Variants in TNFSF8 observed in about 807,000 individuals in gnomAD.
TNFSF8 encodes TNF superfamily member 8, also known as tumor necrosis factor ligand superfamily member 8.
TNFSF8 carries 4 observed loss-of-function variants against 22.0 expected under a neutral mutation model. The observed-to-expected ratio is 0.18, with a 90% confidence interval of 0.09 to 0.42. The LOEUF is 0.42. Ranked by LOEUF, TNFSF8 falls within the 10% of genes least tolerant of loss-of-function variation. The probability of loss-of-function intolerance (pLI) is 1.00; values close to 1 mark genes in which losing one functional copy is unlikely to be tolerated. For missense variants in TNFSF8, 233 were observed against 281.8 expected (o/e 0.83, Z 1.24); for synonymous variants, 106 against 112.5 (o/e 0.94, Z 0.37).
chr9:114,905,726 A>T (rs1827776301), intron 3 of TNFSF8, 102 bp downstream of exon 3: 9 of 900,394 alleles, frequency 1.0e-5, no homozygotes, highest in South Asian at 6.8e-5. Flanking sequence ...TGCAGGTCAC[A>T]TTTGGCCATG....
chr9:114,918,895 G>A (rs1827952409), intron 1 of TNFSF8, among the ~76,000 whole-genome samples: 1 of 152,196 alleles, frequency 6.6e-6, no homozygotes, highest in Non-Finnish European at 1.5e-5. Flanking sequence ...TATCACACTC[G>A]GCTAGAGCCA....
chr9:114,926,470 T>C (rs976937234), intron 1 of TNFSF8, among the ~76,000 whole-genome samples: 3 of 152,144 alleles, frequency 2.0e-5, no homozygotes, highest in Admixed American at 2.0e-4. Flanking sequence ...TTCCTATCAC[T>C]AAAAATTTAT....
chr9:114,906,544 T>C (rs1178548628), intron 2 of TNFSF8, among the ~76,000 whole-genome samples: 2 of 152,222 alleles, frequency 1.3e-5, no homozygotes, highest in Non-Finnish European at 2.9e-5. Flanking sequence ...CCATGGCTAA[T>C]TCCAGAGGCC....
At chr9:114,916,611 G>A (rs550128489) in intron 2 of TNFSF8, among the ~76,000 whole-genome samples, 5 of 152,154 alleles carry the variant, frequency 3.3e-5, no homozygotes, top group African/African-American at 7.2e-5. Flanking sequence ...CCAAAGCTCC[G>A]TGTGAACGTG....
At chr9:114,896,965 C>T (rs191023175), downstream of TNFSF8, among the ~76,000 whole-genome samples, 10 of 152,138 alleles carry the variant, frequency 6.6e-5, no homozygotes, top group Admixed American at 6.5e-4. Flanking sequence ...TGCAGTGGTG[C>T]AATCTCGGCT....
Position 114,902,606 on chromosome 9 carries a change from C to T in TNFSF8, c.*1325G>A. ...ACACCATTCAGCAGGGCACCCTGAA[C>T]CTTGTCCCCATATTCTGGCTCTGCT... On this transcript the variant is annotated 3_prime_UTR_variant, in exon 4 of 4. Coordinates refer to ENST00000223795, the MANE Select transcript of TNFSF8 (RefSeq NM_001244.4). 1 of 985,396 alleles carries T rather than the reference C, an allele frequency of 1.0e-6. No homozygotes were observed. 61.0% of individuals were successfully genotyped at this position (985,396 alleles called of 1,614,324 possible). A position where few individuals can be genotyped will look rare whatever the true frequency, so the allele number is the denominator to read the frequency against.
intron 2 of TNFSF8, among the ~76,000 whole-genome samples, chr9:114,912,953 G>A (rs563305211): frequency 3.9e-5 from 6 of 152,178 alleles, no homozygotes; most frequent in Admixed American, 3.9e-4. Flanking sequence ...AGTGGTCAAA[G>A]AATCCTAAGA....
rs1213350205 is a variant in TNFSF8 at position 114,901,696 on chromosome 9, C to T, written c.*2235G>A. 1.0e-6 allele frequency: 1 copy of T among 985,250 alleles called. No homozygotes were observed. The highest frequency in any genetic ancestry group is 1.2e-6 in the Non-Finnish European group (1 of 829,936). 61.0% of individuals were successfully genotyped at this position (985,250 alleles called of 1,614,324 possible). ...AGTCTGTTTTGTTTTTTACCACAGA[C>T]CATTTGGCTTGCTGAATTCAACACC... On this transcript the variant is annotated 3_prime_UTR_variant, in exon 4 of 4. Transcript: ENST00000223795.
intron 1 of TNFSF8, among the ~76,000 whole-genome samples, chr9:114,921,507 C>A (rs1040234694): frequency 6.6e-6 from 1 of 152,240 alleles, no homozygotes; most frequent in African/African-American, 2.4e-5. Flanking sequence ...CTCCTCCCCT[C>A]TCCCATAAGC....
At chr9:114,906,099 T>C (rs1447670899) in intron 2 of TNFSF8, among the ~76,000 whole-genome samples, 200 bp from the exon 3 acceptor site, 1 of 152,230 alleles carries the variant, frequency 6.6e-6, no homozygotes, top group Non-Finnish European at 1.5e-5. Context: ...TTTTATTGAT[T>C]GCTTCCACTT....
rs1023930182 is a variant in TNFSF8 at position 114,930,372 on chromosome 9, GT to G, written c.-70del. Reference sequence around the variant, plus strand: ...CTGATTCAGTTCTGGGCCCATCTCTGTTCCAAGAAGGATTCTCCCCCTGAAT... The same window carrying G: ...CTGATTCAGTTCTGGGCCCATCTCTGTCCAAGAAGGATTCTCCCCCTGAAT... On this transcript the variant is annotated 5_prime_UTR_variant, in exon 1 of 4. An upstream open reading frame in the 5' UTR loses its in-frame stop. Coordinates refer to ENST00000223795, the MANE Select transcript of TNFSF8 (RefSeq NM_001244.4). 8.1e-7 allele frequency: 1 copy of G among 1,236,948 alleles called. No individual in the cohort carries two copies. The highest frequency in any genetic ancestry group is 1.1e-6 in the Non-Finnish European group (1 of 945,054). The allele number at this position is 1,236,948 out of a possible 1,614,324, so 76.6% of individuals were successfully genotyped here. A position where few individuals can be genotyped will look rare whatever the true frequency, so the allele number is the denominator to read the frequency against.
chr9:114,927,104 T>A (rs901135621), intron 1 of TNFSF8, among the ~76,000 whole-genome samples: 1 of 146,894 alleles, frequency 6.8e-6, no homozygotes, highest in African/African-American at 2.5e-5. Context: ...AATGTTTATT[T>A]TATAATATAA....
intron 1 of TNFSF8, among the ~76,000 whole-genome samples, chr9:114,926,371 A>G (rs911721569): frequency 1.3e-5 from 2 of 152,190 alleles, no homozygotes; most frequent in Admixed American, 1.3e-4. Flanking sequence ...CGGAGCTTGC[A>G]GTGAGCAGAG....
chr9:114,917,866 T>C (rs971666184), intron 2 of TNFSF8, among the ~76,000 whole-genome samples: 1 of 152,212 alleles, frequency 6.6e-6, no homozygotes, highest in African/African-American at 2.4e-5. Flanking sequence ...AGAATTTTCA[T>C]TAGTGGGAGT....
At chr9:114,894,103 G>C in exon 5 of TNFSF8, 1 of 1,535,296 alleles carries the variant, frequency 6.5e-7, no homozygotes, top group South Asian at 1.2e-5. Flanking sequence ...TTTCAAGGCA[G>C]CAGTGTCCCT....
intron 2 of TNFSF8, among the ~76,000 whole-genome samples, chr9:114,913,448 C>A (rs1465533481): frequency 6.6e-6 from 1 of 152,184 alleles, no homozygotes; most frequent in Non-Finnish European, 1.5e-5. Context: ...CAAACCCATG[C>A]GTGTGGCCCT....
At chr9:114,899,821 G>A (rs1370355457), downstream of TNFSF8, among the ~76,000 whole-genome samples, 10 of 152,290 alleles carry the variant, frequency 6.6e-5, no homozygotes, top group South Asian at 2.1e-4. Context: ...TAAGCTCCAG[G>A]TCATGAGCTC....
At chr9:114,913,631 A>G (rs1827879075) in intron 2 of TNFSF8, among the ~76,000 whole-genome samples, 1 of 152,168 alleles carries the variant, frequency 6.6e-6, no homozygotes, top group African/African-American at 2.4e-5. Context: ...GTTTTCCCAG[A>G]TGGTCTACAA....
chr9:114,929,274 C>T (rs1828105054), intron 1 of TNFSF8, among the ~76,000 whole-genome samples: 1 of 152,070 alleles, frequency 6.6e-6, no homozygotes, highest in Non-Finnish European at 1.5e-5. Context: ...CAGTGTGTAC[C>T]CAACGATTGC....
Sources: gnomAD v4.1 joint callset for allele counts (sites outside exome capture counted in the v4.1 genomes callset) on GRCh38, gnomAD v4.1.1 for gene constraint, MANE v1.5 for transcripts, NCBI Gene and HGNC (gene_info 2026-07-23, HGNC 2026-07-21) for gene names.